Variants in ZNF618 observed in about 807,000 individuals in gnomAD.
The protein encoded by ZNF618 is neural precursor cell expressed, developmentally down-regulated 10.
A neutral mutation model predicts 103.0 loss-of-function variants in ZNF618; 34 were observed. The ratio of observed to expected loss-of-function variants is 0.33; its 90% CI spans 0.25 to 0.44. ZNF618 has a LOEUF of 0.44. Among genes scored for constraint, ZNF618 ranks in the 20% least tolerant of loss-of-function variants. ZNF618 has a pLI of 1.00. For missense variants in ZNF618, 1,059 were observed against 1,295.4 expected (o/e 0.82, Z 2.80); for synonymous variants, 551 against 542.2 (o/e 1.02, Z -0.23).
chr9:113,931,319 G>A (rs138876358), intron 1 of ZNF618, among the ~76,000 whole-genome samples: 1 of 152,246 alleles, frequency 6.6e-6, no homozygotes, highest in African/African-American at 2.4e-5. Context: ...GGAGCGTGGG[G>A]CAGGAGTGTT....
chr9:113,942,632 C>T (rs1834655984), intron 1 of ZNF618, among the ~76,000 whole-genome samples: 1 of 152,296 alleles, frequency 6.6e-6, no homozygotes, highest in Non-Finnish European at 1.5e-5. Context: ...GACGATGAAT[C>T]AGTGCTTCAT....
chr9:113,985,145 C>A (rs906246554), intron 2 of ZNF618, among the ~76,000 whole-genome samples: 1 of 152,196 alleles, frequency 6.6e-6, no homozygotes, highest in African/African-American at 2.4e-5. Flanking sequence ...GGGTAGGTAC[C>A]GTGTTTGTCC....
Position 113,988,579 on chromosome 9 carries a change from T to C in ZNF618, c.336T>C (p.Leu112=). The change falls in exon 3 of 15, where the codon CTT becomes CTC. Residue 112 remains leucine (L), a splice_region_variant and synonymous_variant. Coordinates refer to ENST00000374126, the MANE Select transcript of ZNF618 (RefSeq NM_001318042.2). ...GCGGCGTCCGCAACCAGCAGACCCT[T>C]GGTGAGTGCCCAGCGTCTGTGGTCA... The part of the protein sequence containing the change: ...VIGGVRNQQT[L]DGKAPEGSPH... 1 of 1,604,818 alleles carries C rather than the reference T, an allele frequency of 6.2e-7. No homozygotes were observed. Among genetic ancestry groups the C allele is most frequent in the Non-Finnish European group, 8.5e-7 (1 of 1,177,756 alleles).
intron 3 of ZNF618, among the ~76,000 whole-genome samples, chr9:113,989,482 CTGG>C (rs1266899981): frequency 6.6e-6 from 1 of 152,248 alleles, no homozygotes; most frequent in African/African-American, 2.4e-5. Context: ...TTTGCAACCC[CTGG>C]TCTGTGACAT....
intron 1 of ZNF618, among the ~76,000 whole-genome samples, chr9:113,916,879 A>AT (rs577784023): frequency 4.6e-5 from 7 of 152,342 alleles, no homozygotes; most frequent in Non-Finnish European, 7.3e-5. Flanking sequence ...CAGCAATGGT[A>AT]CCTTCTTAAG....
chr9:113,883,717 A>C (rs2130848711), intron 1 of ZNF618, among the ~76,000 whole-genome samples: 1 of 152,278 alleles, frequency 6.6e-6, no homozygotes, highest in South Asian at 2.1e-4. Context: ...CAAGCATAGA[A>C]TCCTAAGTTA....
intron 1 of ZNF618, among the ~76,000 whole-genome samples, chr9:113,890,341 T>A (rs996096766): frequency 6.6e-6 from 1 of 152,218 alleles, no homozygotes; most frequent in Admixed American, 6.5e-5. Context: ...CATATTTAAG[T>A]ACATATGATT....
intron 2 of ZNF618, among the ~76,000 whole-genome samples, chr9:113,972,874 C>CA (rs1838110697): frequency 6.6e-6 from 1 of 152,122 alleles, no homozygotes; most frequent in African/African-American, 2.4e-5. Flanking sequence ...TGAGACCAGC[C>CA]TGGCCAACAT....
At chr9:113,966,748 C>G (rs1837440213) in intron 1 of ZNF618, among the ~76,000 whole-genome samples, 1 of 152,230 alleles carries the variant, frequency 6.6e-6, no homozygotes, top group African/African-American at 2.4e-5. Flanking sequence ...TGAAGCAACT[C>G]TCATCTGCCA....
chr9:113,883,982 G>GCCCCCCCCCCCCCCC (rs558766678), intron 1 of ZNF618, among the ~76,000 whole-genome samples: 1 of 29,708 alleles, frequency 3.4e-5, no homozygotes, highest in African/African-American at 1.5e-4. Flanking sequence ...TCTGGGCTTG[G>GCCCCCCCCCCCCCCC]CCCCCCCCCC....
intron 13 of ZNF618, among the ~76,000 whole-genome samples, chr9:114,040,624 T>C (rs1445196346): frequency 6.6e-6 from 1 of 152,220 alleles, no homozygotes; most frequent in Non-Finnish European, 1.5e-5. Context: ...AATGATGGTT[T>C]CCAGCTTCAT....
At chr9:113,964,622 T>G (rs1837187458) in intron 1 of ZNF618, among the ~76,000 whole-genome samples, 1 of 152,116 alleles carries the variant, frequency 6.6e-6, no homozygotes, top group Non-Finnish European at 1.5e-5. Flanking sequence ...CACACAGCGG[T>G]TCCCCACGTG....
chr9:113,908,339 G>A lies in ZNF618; in HGVS notation c.33+31926G>A, dbSNP rs916217140. ...CAGGATGTTAAATACATAGATAAAA[G>A]CAGTTTAAAAAAATGGAGGAGGGAG... On this transcript the variant is annotated intron_variant, in intron 1 of 14. Transcript: ENST00000374126. Among the ~76,000 whole-genome samples, 3 of 152,122 alleles carry A rather than the reference G, an allele frequency of 2.0e-5. No individual in the cohort carries two copies. The South Asian group carries it at 6.2e-4, about 32-fold the overall frequency.
chr9:114,055,268 C>T lies in ZNF618; in HGVS notation c.*5101C>T. On this transcript the variant is annotated 3_prime_UTR_variant, in exon 15 of 15. Transcript: ENST00000374126. ...CGGTCTCCGCCTAGGACCTTCCCTC[C>T]CGCCCAGCCAGGGTGGGCGGCATCC... The T allele has an allele frequency of 6.6e-6, 1 of 152,448 alleles. No homozygotes were observed. Among genetic ancestry groups the T allele is most frequent in the Non-Finnish European group, 1.5e-5 (1 of 68,032 alleles). The allele number at this position is 152,448 out of a possible 1,614,324, so 9.4% of individuals were successfully genotyped here. A position where few individuals can be genotyped will look rare whatever the true frequency, so the allele number is the denominator to read the frequency against.
chr9:114,023,836 C>A (rs1165401433), intron 10 of ZNF618, among the ~76,000 whole-genome samples: 1 of 151,922 alleles, frequency 6.6e-6, no homozygotes, highest in Non-Finnish European at 1.5e-5. Context: ...GATTGTTATT[C>A]ATCTATATTT....
At chr9:114,044,263 T>G (rs971825140) in intron 13 of ZNF618, among the ~76,000 whole-genome samples, 1 of 152,214 alleles carries the variant, frequency 6.6e-6, no homozygotes, top group African/African-American at 2.4e-5. Context: ...CTTCCACATG[T>G]GGCTAGCCAA....
intron 4 of ZNF618, among the ~76,000 whole-genome samples, chr9:114,000,043 C>A (rs972289643): frequency 6.6e-6 from 1 of 152,208 alleles, no homozygotes; most frequent in African/African-American, 2.4e-5. Flanking sequence ...AATATGCAAT[C>A]TCATCTTTGT....
Position 114,028,465 on chromosome 9 carries a change from C to T in ZNF618, c.845-268C>T, listed in dbSNP as rs372750654. On this transcript the variant is annotated intron_variant, in intron 10 of 14. Coordinates refer to ENST00000374126, the MANE Select transcript of ZNF618 (RefSeq NM_001318042.2). ...TCAGATGCCCTAAGAGCCAGTCAGT[C>T]CAGAGACTGGGCTGGTCAAGGGTTA... 136 of 521,160 alleles carry T rather than the reference C, an allele frequency of 2.6e-4. 2 individuals carry two copies. In the East Asian group the frequency reaches 3.8e-3, roughly 15 times the overall value. The allele number at this position is 521,160 out of a possible 1,614,324, so 32.3% of individuals were successfully genotyped here.
intron 1 of ZNF618, among the ~76,000 whole-genome samples, chr9:113,967,732 G>A (rs995563255): frequency 1.3e-5 from 2 of 152,168 alleles, no homozygotes; most frequent in South Asian, 2.1e-4. Flanking sequence ...ACATCCTAGC[G>A]CCTAATGGGA....
Sources: gnomAD v4.1 joint callset for allele counts (sites outside exome capture counted in the v4.1 genomes callset) on GRCh38, gnomAD v4.1.1 for gene constraint, MANE v1.5 for transcripts, NCBI Gene and HGNC (gene_info 2026-07-23, HGNC 2026-07-21) for gene names.